LRPPRC: variants seen among roughly 807,000 people sequenced by gnomAD.
LRPPRC encodes leucine-rich PPR motif-containing protein, mitochondrial.
In LRPPRC, 120 loss-of-function variants were observed where a neutral mutation model predicts 180.3. The ratio of observed to expected loss-of-function variants is 0.67; its 90% CI spans 0.57 to 0.77. LRPPRC has a LOEUF of 0.77. Among genes scored for constraint, LRPPRC ranks in the 30% least tolerant of loss-of-function variants. The pLI is 0.00. For synonymous variants in LRPPRC, 723 were observed against 600.0 expected, an observed-to-expected ratio of 1.21 and a Z score of -3.00; for missense variants, 2,012 against 1,657.2, an observed-to-expected ratio of 1.21 and a Z score of -3.72.
intron 35 of LRPPRC, among the ~76,000 whole-genome samples, chr2:43,895,233 A>G (rs908543595): frequency 3.9e-5 from 6 of 152,180 alleles, no homozygotes; most frequent in African/African-American, 1.4e-4. Context: ...ATAAACATCT[A>G]TGCCCTCTTC....
chr2:43,904,976 T>G (rs1368127799), intron 31 of LRPPRC, among the ~76,000 whole-genome samples: 2 of 152,118 alleles, frequency 1.3e-5, no homozygotes, highest in Non-Finnish European at 1.5e-5. Flanking sequence ...AGATCATTCA[T>G]AAGACCTCCA....
intron 30 of LRPPRC, among the ~76,000 whole-genome samples, chr2:43,909,598 CAAAA>C (rs914560864): frequency 7.4e-6 from 1 of 135,798 alleles, no homozygotes; most frequent in Non-Finnish European, 1.6e-5. Flanking sequence ...CTCTCTCACA[CAAAA>C]AAACCCAATT....
At chr2:43,990,554 A>G (rs1482256467) in intron 1 of LRPPRC, among the ~76,000 whole-genome samples, 1 of 152,108 alleles carries the variant, frequency 6.6e-6, no homozygotes, top group Non-Finnish European at 1.5e-5. Context: ...CACATCCCAC[A>G]CAGCTACACG....
intron 1 of LRPPRC, among the ~76,000 whole-genome samples, chr2:43,988,335 T>G (rs35827613): frequency 0.61 from 92,100 of 151,172 alleles, 29,217 homozygotes; most frequent in Middle Eastern, 0.68. Context: ...TCGGGAGTTC[T>G]AGACCAGCCT....
At chr2:43,985,982 C>T (rs182467402) in intron 1 of LRPPRC, among the ~76,000 whole-genome samples, 3 of 152,210 alleles carry the variant, frequency 2.0e-5, no homozygotes, top group Admixed American at 6.5e-5. Flanking sequence ...TTGGGGTTTT[C>T]GACGTTTTGC....
chr2:43,988,015 A>G (rs900578496), intron 1 of LRPPRC, among the ~76,000 whole-genome samples: 4 of 152,082 alleles, frequency 2.6e-5, no homozygotes, highest in Admixed American at 6.5e-5. Flanking sequence ...AGGCCGAGGT[A>G]GGCAGATCAC....
chr2:43,986,503 T>C (rs1674532821), intron 1 of LRPPRC, among the ~76,000 whole-genome samples: 1 of 152,160 alleles, frequency 6.6e-6, no homozygotes, highest in Admixed American at 6.6e-5. Flanking sequence ...TTAGTGTCAC[T>C]TTAGAGCTAT....
chr2:43,983,646 A>G (rs982687817), intron 1 of LRPPRC, among the ~76,000 whole-genome samples: 1 of 152,182 alleles, frequency 6.6e-6, no homozygotes, highest in Admixed American at 6.5e-5. Context: ...ACACTATATA[A>G]CAACTAAGTA....
intron 25 of LRPPRC, 128 bp downstream of exon 25, chr2:43,934,062 A>G (rs1672184646): frequency 1.5e-6 from 1 of 661,492 alleles, no homozygotes; most frequent in African/African-American, 1.8e-5. Context: ...CCCTCCCCCA[A>G]CATTACTGGG....
chr2:43,931,657 T>G (rs1672092275), intron 25 of LRPPRC, among the ~76,000 whole-genome samples: 1 of 152,170 alleles, frequency 6.6e-6, no homozygotes, highest in Admixed American at 6.5e-5. Flanking sequence ...CTTTACTCAG[T>G]CATCTCAAAT....
chr2:43,952,112 G>A (rs1265011791), intron 14 of LRPPRC, among the ~76,000 whole-genome samples: 1 of 151,996 alleles, frequency 6.6e-6, no homozygotes, highest in East Asian at 1.9e-4. Context: ...AGAATCGCTT[G>A]AACCCGGGAG....
chr2:43,908,261 G>A (rs1671130091), intron 30 of LRPPRC, among the ~76,000 whole-genome samples: 1 of 152,136 alleles, frequency 6.6e-6, no homozygotes, highest in African/African-American at 2.4e-5. Context: ...ATCCCTTACT[G>A]CTCTTTGAAT....
At chr2:43,912,864 C>A (rs909187348) in intron 29 of LRPPRC, among the ~76,000 whole-genome samples, 8 of 152,104 alleles carry the variant, frequency 5.3e-5, no homozygotes, top group Admixed American at 5.2e-4. Context: ...AAATGAGAAA[C>A]AGCTCTTCTG....
intron 11 of LRPPRC, among the ~76,000 whole-genome samples, chr2:43,966,849 G>C (rs1673583429): frequency 6.6e-6 from 1 of 151,068 alleles, no homozygotes; most frequent in African/African-American, 2.4e-5. Flanking sequence ...TCAGGAGTTT[G>C]AGACCAGCCT....
rs574467071 is a variant in LRPPRC, at chr2:43,888,782, C to T, written c.4129-126G>A. 4.5e-5 allele frequency: 30 copies of T among 672,400 alleles called. No homozygotes were observed. The Admixed American group carries it at 5.7e-4, about 13-fold the overall frequency. The allele number at this position is 672,400 out of a possible 1,614,324, so 41.7% of individuals were successfully genotyped here. A position where few individuals can be genotyped will look rare whatever the true frequency, so the allele number is the denominator to read the frequency against. ...GCCAGGCCCATGGAAGATGCTGCCC[C>T]TCAAGCTTCAGTACTCCTTCCTTGT... On this transcript the variant is annotated intron_variant, in intron 37 of 37. Transcript: ENST00000260665.
chr2:43,967,083 A>T (rs1673592368), intron 11 of LRPPRC, among the ~76,000 whole-genome samples: 3 of 151,978 alleles, frequency 2.0e-5, no homozygotes, highest in Admixed American at 2.0e-4. Context: ...TGACTGTGGT[A>T]ATGACTTCAC....
rs1043193445 is a variant in LRPPRC, at chr2:43,956,515, A to G, written c.1649+870T>C. On this transcript the variant is annotated intron_variant, in intron 14 of 37. Transcript: ENST00000260665. ...TGTGTGTGTGTGTGTGTGTGTGTGT[A>G]GGTACTTTCTTGTGTAGAGAAAGAG... Among the ~76,000 whole-genome samples the G allele has an allele frequency of 2.8e-4, 22 of 77,788 alleles. No individual in the cohort carries two copies. In the East Asian group the frequency reaches 6.2e-3, roughly 22 times the overall value. 51.0% of individuals were successfully genotyped at this position (77,788 alleles called of 152,430 possible).
chr2:43,918,776 AATATATATATATATAGATAT>A (rs11267689), intron 27 of LRPPRC, among the ~76,000 whole-genome samples: 74,026 of 144,018 alleles, frequency 0.51, 20,555 homozygotes, highest in East Asian at 0.94. Flanking sequence ...AGATCCTGGA[AATATATATATATATAGATAT>A]ATATATATAT....
intron 1 of LRPPRC, among the ~76,000 whole-genome samples, chr2:43,993,730 C>G (rs1033871612): frequency 6.2e-5 from 7 of 113,264 alleles, no homozygotes; most frequent in African/African-American, 2.4e-4. Context: ...AGCTTACCTT[C>G]TACTAAAGAA....
Sources: allele counts gnomAD v4.1 joint callset (sites outside exome capture counted in the v4.1 genomes callset), GRCh38; gene constraint gnomAD v4.1.1; transcripts MANE v1.5; gene names NCBI Gene and HGNC (gene_info 2026-07-23, HGNC 2026-07-21).